RIMS2: variants seen among roughly 807,000 people sequenced by gnomAD.
RIMS2 encodes regulating synaptic membrane exocytosis 2.
RIMS2 carries 59 observed loss-of-function variants against 174.4 expected under a neutral mutation model. The observed-to-expected ratio is 0.34, with a 90% CI of 0.27 to 0.42. The LOEUF (loss-of-function observed/expected upper bound fraction) is 0.42, where lower values mean the gene tolerates loss of function less well. RIMS2 is among the 10% of genes least tolerant of loss of function. RIMS2 has a pLI of 1.00. For missense variants in RIMS2, 1,620 were observed against 1,666.3 expected, an observed-to-expected ratio of 0.97 and a Z score of 0.48; for synonymous variants, 606 against 572.5, an observed-to-expected ratio of 1.06 and a Z score of -0.84.
intron 4 of RIMS2, among the ~76,000 whole-genome samples, chr8:103,903,039 G>A (rs2073556584): frequency 6.6e-6 from 1 of 152,042 alleles, no homozygotes; most frequent in South Asian, 2.1e-4. Context: ...AAGAGTCATA[G>A]TTAAATGTTC....
chr8:103,851,644 TACACACACACACACACACAC>T (rs10529078), intron 3 of RIMS2, among the ~76,000 whole-genome samples: 34 of 136,602 alleles, frequency 2.5e-4, no homozygotes, highest in East Asian at 2.3e-3. Context: ...GAATGCTATG[TACACACACACACACACACAC>T]ACACACACAC....
intron 3 of RIMS2, among the ~76,000 whole-genome samples, chr8:103,835,780 G>T (rs1481427304): frequency 6.6e-6 from 1 of 152,122 alleles, no homozygotes; most frequent in African/African-American, 2.4e-5. Flanking sequence ...TTAGCCTGTT[G>T]TCCAGTGGCT....
intron 19 of RIMS2, among the ~76,000 whole-genome samples, chr8:104,189,638 A>G (rs943620167): frequency 2.0e-5 from 3 of 148,842 alleles, no homozygotes; most frequent in African/African-American, 4.9e-5. Flanking sequence ...TATGTATACA[A>G]TTCTAAATAT....
At chr8:104,018,627 A>G (rs114569032) in intron 19 of RIMS2, among the ~76,000 whole-genome samples, 2,421 of 152,278 alleles carry the variant, frequency 0.016, 62 homozygotes, top group African/African-American at 0.055. Flanking sequence ...ATGAGTACCT[A>G]CTAGAAAACT....
At chr8:103,675,842 G>C (rs191988512) in intron 1 of RIMS2, among the ~76,000 whole-genome samples, 185 of 152,078 alleles carry the variant, frequency 1.2e-3, no homozygotes, top group African/African-American at 4.3e-3. Flanking sequence ...AGGAATTCTG[G>C]TTTGTGGACT....
chr8:103,640,386 A>G (rs769195582), intron 1 of RIMS2, among the ~76,000 whole-genome samples: 1 of 151,806 alleles, frequency 6.6e-6, no homozygotes, highest in South Asian at 2.1e-4. Context: ...AAGTTCATTG[A>G]TTTTTAACTT....
intron 1 of RIMS2, among the ~76,000 whole-genome samples, chr8:103,612,150 CTT>C (rs2095391265): frequency 1.3e-5 from 2 of 152,080 alleles, no homozygotes; most frequent in African/African-American, 2.4e-5. Context: ...ATTTTAATCT[CTT>C]TGTTGAATTT....
intron 19 of RIMS2, among the ~76,000 whole-genome samples, chr8:104,137,907 C>T (rs2098534437): frequency 6.6e-6 from 1 of 152,000 alleles, no homozygotes; most frequent in African/African-American, 2.4e-5. Flanking sequence ...TTTTTGTGCC[C>T]ATTAATCATC....
chr8:104,168,325 C>T (rs890789001), intron 19 of RIMS2, among the ~76,000 whole-genome samples: 1 of 152,074 alleles, frequency 6.6e-6, no homozygotes. Context: ...TTGTTTGTGT[C>T]ATCTGTGATT....
At chr8:104,037,915 T>A (rs1469022857) in intron 19 of RIMS2, among the ~76,000 whole-genome samples, 1 of 152,136 alleles carries the variant, frequency 6.6e-6, no homozygotes, top group Non-Finnish European at 1.5e-5. Context: ...ATTTTTACTG[T>A]ATGTTTTCTA....
At chr8:103,881,800 A>G (rs1440092802) in intron 3 of RIMS2, among the ~76,000 whole-genome samples, 1 of 151,494 alleles carries the variant, frequency 6.6e-6, no homozygotes, top group Admixed American at 6.6e-5. Context: ...TAAGGACAGA[A>G]TACTCTGGCA....
At chr8:103,569,063 G>T (rs13264531) in intron 1 of RIMS2, 46 of 378,058 alleles carry the variant, frequency 1.2e-4, no homozygotes, top group Middle Eastern at 7.5e-4. Context: ...CTTTTTTTTT[G>T]TTTTTGTTGC....
At chr8:103,859,730 T>C (rs1264472754) in intron 3 of RIMS2, among the ~76,000 whole-genome samples, 1 of 152,098 alleles carries the variant, frequency 6.6e-6, no homozygotes, top group Non-Finnish European at 1.5e-5. Context: ...CTTTTTGTTC[T>C]TGTATATTTC....
At chr8:104,007,311 G>T (rs141580424) in intron 17 of RIMS2, among the ~76,000 whole-genome samples, 1 of 151,896 alleles carries the variant, frequency 6.6e-6, no homozygotes, top group East Asian at 1.9e-4. Context: ...CATTCTCTGC[G>T]CTACTGCTGA....
intron 15 of RIMS2, among the ~76,000 whole-genome samples, chr8:103,966,556 T>C: frequency 6.6e-6 from 1 of 152,102 alleles, no homozygotes; most frequent in East Asian, 1.9e-4. Flanking sequence ...CTATTAATCT[T>C]TTTAAAGAAC....
chr8:104,176,633 T>A (rs1005734979), intron 19 of RIMS2, among the ~76,000 whole-genome samples: 1 of 151,652 alleles, frequency 6.6e-6, no homozygotes, highest in African/African-American at 2.4e-5. Context: ...TATATGCTAA[T>A]GAAAATGATT....
chr8:103,909,935 C>T (rs2075321339), intron 4 of RIMS2, among the ~76,000 whole-genome samples: 1 of 151,088 alleles, frequency 6.6e-6, no homozygotes, highest in Admixed American at 6.6e-5. Flanking sequence ...ATTATACTTT[C>T]TATAAATTTT....
intron 19 of RIMS2, among the ~76,000 whole-genome samples, chr8:104,221,442 T>G (rs775951090): frequency 6.6e-6 from 1 of 152,212 alleles, no homozygotes; most frequent in Non-Finnish European, 1.5e-5. Flanking sequence ...TCCTTGCAGT[T>G]TCTAAAATTC....
At chr8:103,890,559 TG>T (rs1214838154) in intron 4 of RIMS2, among the ~76,000 whole-genome samples, 9 of 152,066 alleles carry the variant, frequency 5.9e-5, no homozygotes, top group Non-Finnish European at 1.2e-4. Context: ...GCACTCTGTA[TG>T]TCTTGTAACA....
Sources: allele counts gnomAD v4.1 joint callset (sites outside exome capture counted in the v4.1 genomes callset), GRCh38; gene constraint gnomAD v4.1.1; transcripts MANE v1.5; gene names NCBI Gene and HGNC (gene_info 2026-07-23, HGNC 2026-07-21).